Variants in ZFP30 observed in about 807,000 individuals in gnomAD.
The protein encoded by ZFP30 is ZFP30 zinc finger protein, also known as zinc finger protein 30 homolog.
A neutral mutation model predicts 12.3 loss-of-function variants in ZFP30; 16 were observed. The observed-to-expected ratio is 1.30, with a 90% confidence interval of 0.88 to 1.98. The LOEUF is 1.98. Ranked by LOEUF, ZFP30 falls within the 30% of genes most tolerant of loss-of-function variation. The pLI is 0.00. For missense variants in ZFP30, 560 were observed against 611.2 expected, an observed-to-expected ratio of 0.92 and a Z score of 0.88; for synonymous variants, 172 against 201.0, an observed-to-expected ratio of 0.86 and a Z score of 1.22.
At chr19:37,653,291 T>C (rs1451314305) in intron 2 of ZFP30, among the ~76,000 whole-genome samples, 1 of 152,154 alleles carries the variant, frequency 6.6e-6, no homozygotes, top group Non-Finnish European at 1.5e-5. Flanking sequence ...TCCTGGTTCA[T>C]GTCATTTCCA....
intron 5 of ZFP30, among the ~76,000 whole-genome samples, chr19:37,639,495 A>T (rs994072098): frequency 6.6e-6 from 1 of 152,074 alleles, no homozygotes; most frequent in East Asian, 1.9e-4. Flanking sequence ...CTACTTGGGG[A>T]GGCTGTGGTG....
In ZFP30 at chr19:37,635,074, A is replaced by T. The variant is rs1257581402; in HGVS notation, c.1467T>A (p.Ser489=). 1 of 1,613,208 alleles carries T rather than the reference A, an allele frequency of 6.2e-7. No homozygotes were observed. The highest frequency in any genetic ancestry group is 1.7e-5 in the Admixed American group (1 of 59,902). ...SSLIQHQRIH[S]GEKPYKCKEC... is the part of the protein sequence containing the mutation. Reference sequence around the variant, plus strand: ...CCTTACATTTGTATGGTTTCTCACCAGAATGAATTCTCTGATGTTGAATCA... The same window carrying T: ...CCTTACATTTGTATGGTTTCTCACCTGAATGAATTCTCTGATGTTGAATCA... The change falls in exon 6 of 6, where the codon TCT becomes TCA. Residue 489 remains serine (S), a synonymous_variant. Coordinates refer to ENST00000684514, the MANE Select transcript of ZFP30 (RefSeq NM_001320669.3).
At chr19:37,644,182 G>A (rs922534250) in intron 4 of ZFP30, among the ~76,000 whole-genome samples, 4 of 152,320 alleles carry the variant, frequency 2.6e-5, no homozygotes, top group African/African-American at 9.6e-5. Flanking sequence ...TATACAGAAA[G>A]ATGAAGGTGC....
intron 2 of ZFP30, among the ~76,000 whole-genome samples, chr19:37,654,477 G>C (rs1243578541): frequency 6.6e-6 from 1 of 152,078 alleles, no homozygotes; most frequent in Admixed American, 6.5e-5. Context: ...GAAAAACAGC[G>C]CTCACAGAGT....
rs779643800 is a variant in ZFP30, at chr19:37,643,250, C to G, written c.235+15G>C. The G allele has an allele frequency of 3.1e-6, 5 of 1,604,228 alleles. No homozygotes were observed. Among genetic ancestry groups the G allele is most frequent in the Non-Finnish European group, 4.3e-6 (5 of 1,174,484 alleles). ...CCATGCCATAATGGCTGACCTCTGC[C>G]TGATCAGCACTTACCTAGAGTCCAT... On this transcript the variant is annotated intron_variant, in intron 5 of 5. Transcript: ENST00000684514.
intron 5 of ZFP30, among the ~76,000 whole-genome samples, chr19:37,639,198 A>G (rs960485115): frequency 1.3e-5 from 2 of 152,190 alleles, no homozygotes; most frequent in Non-Finnish European, 2.9e-5. Context: ...TATGGCCTCA[A>G]TAAGACAAAT....
chr19:37,636,012 GA>G lies in ZFP30; in HGVS notation c.528del (p.Gln177LysfsTer115). On this transcript the variant is annotated frameshift_variant, in exon 6 of 6. Coordinates refer to ENST00000684514, the MANE Select transcript of ZFP30 (RefSeq NM_001320669.3). LOFTEE classifies it low-confidence loss of function (END_TRUNC). The stretch of plus-strand genomic sequence containing the variant: ...GGTTTCTCACCAGTATGAATTCTTT[GA>G]TGGAAAGTAAGTTGTTGTCGTACTC... Reference protein sequence around the residue: ...AFRVRQQLTFHQRIHTGEKPY... With the variant: ...AFRVRQQLTFXQRIHTGEKPY... 6.2e-7 allele frequency: 1 copy of G among 1,614,138 alleles called. No individual in the cohort carries two copies. The highest frequency in any genetic ancestry group is 8.5e-7 in the Non-Finnish European group (1 of 1,180,018).
At chr19:37,637,990 G>A (rs1229211387) in intron 5 of ZFP30, among the ~76,000 whole-genome samples, 1 of 152,176 alleles carries the variant, frequency 6.6e-6, no homozygotes, top group Non-Finnish European at 1.5e-5. Flanking sequence ...ATGGTATCCT[G>A]CCTCCAATCT....
intron 3 of ZFP30, among the ~76,000 whole-genome samples, chr19:37,645,433 T>C (rs1000081452): frequency 4.6e-5 from 7 of 152,070 alleles, no homozygotes; most frequent in Non-Finnish European, 7.4e-5. Flanking sequence ...TTAGGCTTTG[T>C]ATACCACATA....
intron 3 of ZFP30, among the ~76,000 whole-genome samples, chr19:37,644,972 G>A (rs1254634483): frequency 2.0e-5 from 3 of 151,980 alleles, no homozygotes; most frequent in South Asian, 2.1e-4. Context: ...TTGGGAGGCC[G>A]AGGCAGGCAG....
In ZFP30 at chr19:37,631,869, T is replaced by C. The variant is rs1016493492; in HGVS notation, c.*3112A>G. 1 of 152,144 alleles carries C rather than the reference T, an allele frequency of 6.6e-6. No homozygotes were observed. Among genetic ancestry groups the C allele is most frequent in the African/African-American group, 2.4e-5 (1 of 41,438 alleles). 9.4% of individuals were successfully genotyped at this position (152,144 alleles called of 1,614,324 possible). ...ATTTTCTATTCTAAACTGTTGGATA[T>C]AATTTCCCATAGAAATTAGAATTAC... is the stretch of plus-strand genomic sequence containing the variant. On this transcript the variant is annotated 3_prime_UTR_variant, in exon 6 of 6. Coordinates refer to ENST00000684514, the MANE Select transcript of ZFP30 (RefSeq NM_001320669.3).
intron 5 of ZFP30, among the ~76,000 whole-genome samples, chr19:37,639,126 C>A (rs1405899725): frequency 6.6e-6 from 1 of 151,690 alleles, no homozygotes; most frequent in Non-Finnish European, 1.5e-5. Flanking sequence ...CTCTGTCTCC[C>A]CATCCAAAAA....
In ZFP30 at chr19:37,647,922, C is replaced by A. The variant is rs901525053; in HGVS notation, c.-77-23G>T. The A allele has an allele frequency of 3.4e-5, 49 of 1,425,484 alleles. No homozygotes were observed. In the Admixed American group the frequency reaches 8.1e-4, roughly 24 times the overall value. 88.3% of individuals were successfully genotyped at this position (1,425,484 alleles called of 1,614,324 possible). A position where few individuals can be genotyped will look rare whatever the true frequency, so the allele number is the denominator to read the frequency against. On this transcript the variant is annotated intron_variant, in intron 2 of 5. Transcript: ENST00000684514. ...GAGCTGCAGAAAGAACATGTAAAAT[C>A]ATGAGAAGAGAACTGCCTCAGAGTT...
In ZFP30 at chr19:37,644,639, A is replaced by T. The variant is rs368661042; in HGVS notation, c.107T>A (p.Leu36Ter). 1.9e-5 allele frequency: 31 copies of T among 1,610,606 alleles called. No homozygotes were observed. Among genetic ancestry groups the T allele is most frequent in the Non-Finnish European group, 2.5e-5 (29 of 1,178,734 alleles). ...TGACACCAAGTTGCTATAGTTCTCT[A>T]ATATCACATCTCTGTACAAATTCCT... ...YQRNLYRDVI[L>*]ENYSNLVSLA... is the part of the protein sequence containing the mutation. The change falls in exon 4 of 6, where the codon TTA becomes TAA. Residue 36 changes from leucine to a stop codon, truncating the protein, a stop_gained. Coordinates refer to ENST00000684514, the MANE Select transcript of ZFP30 (RefSeq NM_001320669.3). LOFTEE classifies it high-confidence loss of function.
Position 37,635,382 on chromosome 19 carries a change from A to G in ZFP30, c.1159T>C (p.Cys387Arg), listed in dbSNP as rs2044301315. The change falls in exon 6 of 6, where the codon TGT (cysteine) becomes CGT (arginine). Residue 387 changes from cysteine to arginine, a missense_variant. By Grantham distance (180) the Cys-to-Arg change is radical. Transcript: ENST00000684514. ...TGEKPYECKE[C>R]QKFFRRYSEL... ...GAGTAACGACGAAAGAACTTCTGAC[A>G]TTCCTTACATTCATAGGGCTTTTCA... 1 of 1,614,082 alleles carries G rather than the reference A, an allele frequency of 6.2e-7. No homozygotes were observed. Among genetic ancestry groups the G allele is most frequent in the Non-Finnish European group, 8.5e-7 (1 of 1,180,004 alleles).
intron 5 of ZFP30, among the ~76,000 whole-genome samples, chr19:37,639,235 ATCAT>A: frequency 6.6e-6 from 1 of 152,216 alleles, no homozygotes; most frequent in Admixed American, 6.5e-5. Context: ...TAATAAAAGC[ATCAT>A]AATTAGCTAA....
intron 5 of ZFP30, among the ~76,000 whole-genome samples, chr19:37,641,947 C>CT (rs1167478300): frequency 6.6e-6 from 1 of 152,352 alleles, no homozygotes; most frequent in African/African-American, 2.4e-5. Flanking sequence ...ACATAGTCCT[C>CT]TGTCTTCTTC....
At chr19:37,636,361 G>T in intron 5 of ZFP30, 56 bp from the exon 6 acceptor site, 2 of 1,188,564 alleles carry the variant, frequency 1.7e-6, no homozygotes, top group Non-Finnish European at 1.1e-6. Flanking sequence ...ATAAACAAAC[G>T]AAAACTTTAT....
intron 5 of ZFP30, among the ~76,000 whole-genome samples, chr19:37,642,136 C>A (rs2044447926): frequency 6.6e-6 from 1 of 152,212 alleles, no homozygotes; most frequent in South Asian, 2.1e-4. Context: ...CTTATGGGTT[C>A]CACAATGGTA....
Sources: allele counts gnomAD v4.1 joint callset (sites outside exome capture counted in the v4.1 genomes callset), GRCh38; gene constraint gnomAD v4.1.1; transcripts MANE v1.5; gene names NCBI Gene and HGNC (gene_info 2026-07-23, HGNC 2026-07-21).